The following ARHGAP15 variants were observed in gnomAD, a reference collection of about 807,000 sequenced individuals.
The protein encoded by ARHGAP15 is Rho GTPase activating protein 15, also known as rho GTPase-activating protein 15.
Under a neutral mutation model 63.7 loss-of-function variants are expected in ARHGAP15, and 51 were observed. That is an observed-to-expected ratio of 0.80 (90% confidence interval 0.64 to 1.01). The LOEUF (loss-of-function observed/expected upper bound fraction) is 1.01. Ranked by LOEUF, ARHGAP15 falls within the 50% of genes least tolerant of loss-of-function variation. The pLI is 0.00. For missense variants in ARHGAP15, 560 were observed against 564.6 expected (o/e 0.99, Z 0.08); for synonymous variants, 191 against 193.8 (o/e 0.99, Z 0.12).
chr2:143,389,436 A>G (rs1234955931), intron 6 of ARHGAP15, among the ~76,000 whole-genome samples: 1 of 152,184 alleles, frequency 6.6e-6, no homozygotes, highest in Non-Finnish European at 1.5e-5. Context: ...CTTTAACACA[A>G]TCACAATAAA....
chr2:143,271,262 A>G (rs1262303570), intron 6 of ARHGAP15, among the ~76,000 whole-genome samples: 1 of 152,198 alleles, frequency 6.6e-6, no homozygotes, highest in Non-Finnish European at 1.5e-5. Context: ...AAAAAAGCAA[A>G]TCTTCCATTT....
In ARHGAP15 at chr2:143,326,787, C is replaced by T. The variant is rs192828153; in HGVS notation, c.474+76187C>T. ...ATCTCAAAATAAGAGCTATTTATGA[C>T]AAGCCCACAGCCAATATCATACTGA... is the stretch of plus-strand genomic sequence containing the variant. On this transcript the variant is annotated intron_variant, in intron 6 of 13. Coordinates refer to ENST00000295095, the MANE Select transcript of ARHGAP15 (RefSeq NM_018460.4). Among the ~76,000 whole-genome samples, 450 of 152,224 alleles carry T rather than the reference C, an allele frequency of 3.0e-3. 1 individual carries two copies. Among genetic ancestry groups the T allele is most frequent in the Non-Finnish European group, 5.5e-3 (371 of 68,008 alleles).
chr2:143,753,314 T>C (rs1559161355), intron 13 of ARHGAP15, among the ~76,000 whole-genome samples: 1 of 152,226 alleles, frequency 6.6e-6, no homozygotes, highest in Non-Finnish European at 1.5e-5. Context: ...GGCCCATCTC[T>C]GCAAGCAAAG....
At chr2:143,172,331 C>T (rs1446513369) in intron 2 of ARHGAP15, among the ~76,000 whole-genome samples, 2 of 152,046 alleles carry the variant, frequency 1.3e-5, no homozygotes, top group Non-Finnish European at 2.9e-5. Flanking sequence ...CCTCAGATCA[C>T]ACAGGGCTTT....
intron 6 of ARHGAP15, among the ~76,000 whole-genome samples, chr2:143,293,902 A>G (rs894106686): frequency 1.3e-5 from 2 of 152,092 alleles, no homozygotes; most frequent in Non-Finnish European, 2.9e-5. Context: ...AAAGTTCTAT[A>G]GTTAAGGCAG....
intron 13 of ARHGAP15, among the ~76,000 whole-genome samples, chr2:143,712,383 A>G (rs1292392496): frequency 1.3e-5 from 2 of 152,216 alleles, no homozygotes; most frequent in East Asian, 1.9e-4. Context: ...GTTATATTCT[A>G]TTAGCAAAAT....
At chr2:143,488,599 T>C (rs1559004886) in intron 9 of ARHGAP15, among the ~76,000 whole-genome samples, 1 of 152,216 alleles carries the variant, frequency 6.6e-6, no homozygotes, top group Admixed American at 6.5e-5. Flanking sequence ...CTAAACTTTA[T>C]AGAAATCGAG....
At chr2:143,384,749 T>C (rs998156846) in intron 6 of ARHGAP15, among the ~76,000 whole-genome samples, 6 of 152,120 alleles carry the variant, frequency 3.9e-5, no homozygotes, top group Non-Finnish European at 5.9e-5. Flanking sequence ...GTAAGTAAAC[T>C]CACAATCAGA....
At chr2:143,405,314 G>A (rs985447479) in intron 6 of ARHGAP15, among the ~76,000 whole-genome samples, 25 of 150,458 alleles carry the variant, frequency 1.7e-4, no homozygotes, top group African/African-American at 4.1e-4. Flanking sequence ...GTTTTGTATC[G>A]TGGCCTTAAT....
chr2:143,204,248 C>T (rs577479080), intron 3 of ARHGAP15, among the ~76,000 whole-genome samples: 29 of 152,256 alleles, frequency 1.9e-4, no homozygotes, highest in Admixed American at 4.6e-4. Flanking sequence ...TGGGAGTGAT[C>T]CTGTTAAAAT....
intron 11 of ARHGAP15, among the ~76,000 whole-genome samples, chr2:143,561,584 C>T (rs1000764259): frequency 6.7e-6 from 1 of 149,212 alleles, no homozygotes; most frequent in Non-Finnish European, 1.5e-5. Flanking sequence ...GGTGTGATCT[C>T]GGCTCACTGC....
intron 6 of ARHGAP15, among the ~76,000 whole-genome samples, chr2:143,337,530 C>T (rs1420462340): frequency 1.3e-5 from 2 of 152,098 alleles, no homozygotes; most frequent in Non-Finnish European, 2.9e-5. Flanking sequence ...TAAATGGAAA[C>T]ATATAAAGTC....
chr2:143,385,377 T>C (rs1295629637), intron 6 of ARHGAP15, among the ~76,000 whole-genome samples: 1 of 152,156 alleles, frequency 6.6e-6, no homozygotes, highest in Non-Finnish European at 1.5e-5. Flanking sequence ...CACTCAACTT[T>C]TAGAGTGCTG....
At chr2:143,211,355 G>C (rs1416667112) in intron 3 of ARHGAP15, among the ~76,000 whole-genome samples, 2 of 126,622 alleles carry the variant, frequency 1.6e-5, no homozygotes, top group East Asian at 5.7e-4. Flanking sequence ...GGGCGTGGGT[G>C]GGGGGCGGGA....
intron 11 of ARHGAP15, among the ~76,000 whole-genome samples, chr2:143,590,754 C>G (rs1697288612): frequency 6.6e-6 from 1 of 152,098 alleles, no homozygotes; most frequent in African/African-American, 2.4e-5. Context: ...TCACTAACAG[C>G]ATCTAGTATA....
chr2:143,714,973 T>C (rs980893848), intron 13 of ARHGAP15, among the ~76,000 whole-genome samples: 2 of 152,166 alleles, frequency 1.3e-5, no homozygotes, highest in Admixed American at 1.3e-4. Flanking sequence ...AGTTCCAAAG[T>C]CACATCCACA....
intron 9 of ARHGAP15, among the ~76,000 whole-genome samples, chr2:143,497,752 G>T (rs1161749866): frequency 6.6e-6 from 1 of 152,184 alleles, no homozygotes; most frequent in African/African-American, 2.4e-5. Flanking sequence ...ATTTCATTCT[G>T]ACCTGGAGAT....
chr2:143,232,325 C>G (rs995206362), intron 5 of ARHGAP15, among the ~76,000 whole-genome samples: 2 of 152,048 alleles, frequency 1.3e-5, no homozygotes, highest in African/African-American at 4.8e-5. Flanking sequence ...AAAAAGAAAA[C>G]TGTCCCCCTT....
At chr2:143,721,901 G>A (rs145002081) in intron 13 of ARHGAP15, among the ~76,000 whole-genome samples, 1 of 152,268 alleles carries the variant, frequency 6.6e-6, no homozygotes, top group African/African-American at 2.4e-5. Context: ...TGCGCAGGCT[G>A]TTCTCGAACT....
Sources: gnomAD v4.1 joint callset for allele counts (sites outside exome capture counted in the v4.1 genomes callset) on GRCh38, gnomAD v4.1.1 for gene constraint, MANE v1.5 for transcripts, NCBI Gene and HGNC (gene_info 2026-07-23, HGNC 2026-07-21) for gene names.